CERS4: variants seen among roughly 807,000 people sequenced by gnomAD.
CERS4 encodes the protein ceramide synthase 4.
A neutral mutation model predicts 51.8 loss-of-function variants in CERS4; 65 were observed. The ratio of observed to expected loss-of-function variants is 1.26; its 90% CI spans 1.03 to 1.54. The LOEUF (loss-of-function observed/expected upper bound fraction) is 1.54, where lower values mean the gene tolerates loss of function less well. CERS4 is among the 40% of genes most tolerant of loss of function. The probability of loss-of-function intolerance (pLI) is 0.00; values close to 1 mark genes in which losing one functional copy is unlikely to be tolerated. For synonymous variants in CERS4, 228 were observed against 208.4 expected, an observed-to-expected ratio of 1.09 and a Z score of -0.81; for missense variants, 563 against 500.4, an observed-to-expected ratio of 1.13 and a Z score of -1.19.
chr19:8,219,075 C>T lies in CERS4; in HGVS notation c.-2+8213C>T, dbSNP rs576996603. Among the ~76,000 whole-genome samples, 361 of 152,120 alleles carry T rather than the reference C, an allele frequency of 2.4e-3. 2 individuals are homozygous for T. The highest frequency in any genetic ancestry group is 8.3e-3 in the African/African-American group (343 of 41,508). ...TACAAAAATTAGCTGGGCATGGTGGCGGGCGCCTGTATTCCCAGCGACTTG... is the reference window on the plus strand; with the variant it reads ...TACAAAAATTAGCTGGGCATGGTGGTGGGCGCCTGTATTCCCAGCGACTTG... On this transcript the variant is annotated intron_variant, in intron 2 of 11. Transcript: ENST00000251363.
chr19:8,242,774 C>T (rs943331136), intron 2 of CERS4, among the ~76,000 whole-genome samples: 3 of 152,052 alleles, frequency 2.0e-5, no homozygotes, highest in South Asian at 2.1e-4. Context: ...ATGTGTGAAA[C>T]GATATGGTCT....
intron 2 of CERS4, among the ~76,000 whole-genome samples, chr19:8,242,150 T>C (rs1166855587): frequency 1.3e-5 from 2 of 152,166 alleles, no homozygotes; most frequent in African/African-American, 2.4e-5. Flanking sequence ...AAATTGAGGC[T>C]CCCAGGGCTT....
chr19:8,251,764 G>A (rs1039407156), intron 3 of CERS4, among the ~76,000 whole-genome samples: 8 of 150,770 alleles, frequency 5.3e-5, no homozygotes, highest in South Asian at 2.1e-4. Flanking sequence ...AGATTGTGCC[G>A]CTGCACTCCA....
At chr19:8,253,612 C>T (rs1277895410) in intron 3 of CERS4, among the ~76,000 whole-genome samples, 1 of 151,820 alleles carries the variant, frequency 6.6e-6, no homozygotes, top group Admixed American at 6.6e-5. Context: ...CTACAGGGGC[C>T]CGCCACCTCG....
In CERS4 at chr19:8,245,121, A is replaced by AACAAAACAAACAAAAACAAAAAAAC. The variant is rs1555777232; in HGVS notation, c.-1-5954_-1-5953insCAAAACAAACAAAAACAAAAAAACA. Among the ~76,000 whole-genome samples, 166 of 146,188 alleles carry AACAAAACAAACAAAAACAAAAAAAC rather than the reference A, an allele frequency of 1.1e-3. 3 individuals carry two copies. Among genetic ancestry groups the AACAAAACAAACAAAAACAAAAAAAC allele is most frequent in the East Asian group, 6.5e-3 (32 of 4,960 alleles). On this transcript the variant is annotated intron_variant, in intron 2 of 11. Transcript: ENST00000251363. Reference sequence around the variant, plus strand: ...AGCGAGACTCCATCTCAAAAAAAAAAAAAAAAAAAAAAAACACTCTTGGCT... The same window carrying AACAAAACAAACAAAAACAAAAAAAC: ...AGCGAGACTCCATCTCAAAAAAAAAAACAAAACAAACAAAAACAAAAAAACAAAAAAAAAAAAAACACTCTTGGCT...
intron 2 of CERS4, among the ~76,000 whole-genome samples, chr19:8,224,668 A>C (rs985640615): frequency 2.0e-5 from 3 of 152,210 alleles, no homozygotes. Flanking sequence ...TGCAGGATTC[A>C]AAGCTGCGGG....
chr19:8,254,746 TC>T, intron 4 of CERS4, 130 bp downstream of exon 4: 1 of 748,406 alleles, frequency 1.3e-6, no homozygotes, highest in Non-Finnish European at 2.2e-6. Context: ...GCCCCTACTT[TC>T]CACTCTTCAT....
intron 2 of CERS4, among the ~76,000 whole-genome samples, chr19:8,213,262 G>A (rs979766752): frequency 6.6e-5 from 10 of 151,982 alleles, no homozygotes; most frequent in African/African-American, 2.4e-4. Flanking sequence ...GAGCTCAAAC[G>A]CCTCAGCCTC....
At chr19:8,252,595 C>T (rs1345420745) in intron 3 of CERS4, among the ~76,000 whole-genome samples, 5 of 152,106 alleles carry the variant, frequency 3.3e-5, no homozygotes, top group Non-Finnish European at 4.4e-5. Context: ...TGTGCCACCA[C>T]ACCTGACTAA....
chr19:8,250,813 G>A (rs542467569), intron 2 of CERS4: 22 of 1,215,990 alleles, frequency 1.8e-5, no homozygotes, highest in Non-Finnish European at 2.1e-5. Flanking sequence ...TTTGCCTGAG[G>A]ACACACAGCC....
chr19:8,211,583 C>A (rs568361944), intron 2 of CERS4, among the ~76,000 whole-genome samples: 1 of 152,154 alleles, frequency 6.6e-6, no homozygotes, highest in Admixed American at 6.6e-5. Context: ...TATCACAGAG[C>A]TGGAGGCTAT....
At chr19:8,249,204 CGATGGGTGGATGGAT>C (rs1266651982) in intron 2 of CERS4, among the ~76,000 whole-genome samples, 182 of 93,090 alleles carry the variant, frequency 2.0e-3, no homozygotes, top group Admixed American at 3.3e-3. Flanking sequence ...GGTGGATGGA[CGATGGGTGGATGGAT>C]GATGGGTGGG....
chr19:8,243,586 C>T (rs1968630154), intron 2 of CERS4, among the ~76,000 whole-genome samples: 1 of 152,084 alleles, frequency 6.6e-6, no homozygotes, highest in African/African-American at 2.4e-5. Context: ...TTCACTGATG[C>T]CTAAATGTCA....
At position 8,255,638 on chromosome 19, in the gene CERS4, G is replaced by A; in HGVS notation, c.323G>A (p.Gly108Asp). ...CTGTCTCTCCTGGCCGCCCAGTGTG[G>A]CCTCACGCTGCAGCAGACCCAGCGA... ...PQLSLLAAQC[G>D]LTLQQTQRWF... The change falls in exon 5 of 12, where the codon GGC (glycine) becomes GAC (aspartate). Residue 108 changes from glycine (G) to aspartate (D), a missense_variant. Gly to Asp is a moderately conservative substitution (Grantham distance 94). Coordinates refer to ENST00000251363, the MANE Select transcript of CERS4 (RefSeq NM_024552.3). 1.9e-6 allele frequency: 3 copies of A among 1,612,790 alleles called. No individual in the cohort carries two copies. Among genetic ancestry groups the A allele is most frequent in the Non-Finnish European group, 2.5e-6 (3 of 1,179,974 alleles).
chr19:8,248,881 G>GTGGA (rs1968915645), intron 2 of CERS4, among the ~76,000 whole-genome samples: 1 of 135,644 alleles, frequency 7.4e-6, no homozygotes, highest in African/African-American at 2.8e-5. Context: ...TGGTGGGTGG[G>GTGGA]CAGATGTTTG....
At chr19:8,256,549 C>G (rs1012559810) in intron 7 of CERS4, 69 bp from the exon 8 acceptor site, 2 of 1,429,078 alleles carry the variant, frequency 1.4e-6, no homozygotes, top group East Asian at 4.6e-5. Context: ...CGGAGTGGGC[C>G]CGGAGCCATA....
At chr19:8,256,103 A>G in intron 6 of CERS4, 133 bp from the exon 7 acceptor site, 1 of 1,069,352 alleles carries the variant, frequency 9.4e-7, no homozygotes, top group Non-Finnish European at 1.4e-6. Context: ...GTCGAGAGTG[A>G]GAAGCAGGAA....
intron 2 of CERS4, among the ~76,000 whole-genome samples, chr19:8,217,303 G>A (rs963128008): frequency 5.3e-5 from 8 of 152,062 alleles, no homozygotes; most frequent in African/African-American, 1.9e-4. Context: ...TCTTTGGGCA[G>A]TTACAAGGCA....
intron 2 of CERS4, among the ~76,000 whole-genome samples, chr19:8,222,687 G>A (rs921832485): frequency 1.3e-4 from 20 of 151,852 alleles, no homozygotes; most frequent in East Asian, 1.9e-4. Context: ...TGGTAGAGAC[G>A]GGGTTTCTCC....
Sources: allele counts gnomAD v4.1 joint callset (sites outside exome capture counted in the v4.1 genomes callset), GRCh38; gene constraint gnomAD v4.1.1; transcripts MANE v1.5; gene names NCBI Gene and HGNC (gene_info 2026-07-23, HGNC 2026-07-21).